The following PDE1C variants were observed in gnomAD, a reference collection of about 807,000 sequenced individuals.
PDE1C encodes dual specificity calcium/calmodulin-dependent 3',5'-cyclic nucleotide phosphodiesterase 1C.
PDE1C carries 62 observed loss-of-function variants against 93.1 expected under a neutral mutation model. The ratio of observed to expected loss-of-function variants is 0.67; its 90% confidence interval spans 0.54 to 0.82. PDE1C has a LOEUF of 0.82. Among genes scored for constraint, PDE1C ranks in the 40% least tolerant of loss-of-function variants. The pLI is 0.00. For synonymous variants in PDE1C, 325 were observed against 310.1 expected (o/e 1.05, Z -0.50); for missense variants, 742 against 884.6 (o/e 0.84, Z 2.04).
chr7:32,057,710 AG>A (rs1424175310), intron 1 of PDE1C, among the ~76,000 whole-genome samples: 2 of 152,202 alleles, frequency 1.3e-5, no homozygotes, highest in Non-Finnish European at 2.9e-5. Flanking sequence ...AGTAAAGATA[AG>A]CAGGCAAACA....
chr7:31,894,799 C>A lies in PDE1C; in HGVS notation c.129-13939G>T, dbSNP rs948029845. Among the ~76,000 whole-genome samples the A allele has an allele frequency of 3.3e-5, 5 of 152,088 alleles. No homozygotes were observed. In the South Asian group the frequency reaches 6.2e-4, roughly 19 times the overall value. On this transcript the variant is annotated intron_variant, in intron 2 of 17. Transcript: ENST00000396191. ...ATGTTGTGTTTATATTTCCCCCATA[C>A]CCCCTGCCAACAGCCATTCCCACCA...
chr7:32,344,996 T>C (rs1783825503), intron 1 of PDE1C, among the ~76,000 whole-genome samples: 1 of 152,192 alleles, frequency 6.6e-6, no homozygotes, highest in South Asian at 2.1e-4. Context: ...AGGTTCATGC[T>C]AATCCTTAAC....
chr7:32,339,457 C>G (rs1366454845), intron 1 of PDE1C, among the ~76,000 whole-genome samples: 2 of 152,210 alleles, frequency 1.3e-5, no homozygotes, highest in African/African-American at 4.8e-5. Context: ...ATGTACTTAA[C>G]ACTACTGAAC....
At chr7:32,418,026 T>C (rs1472352718) in intron 1 of PDE1C, among the ~76,000 whole-genome samples, 1 of 152,220 alleles carries the variant, frequency 6.6e-6, no homozygotes, top group East Asian at 1.9e-4. Flanking sequence ...AATCTCACAC[T>C]GTGACCTAGG....
At chr7:32,037,237 T>C (rs1325860240) in intron 2 of PDE1C, among the ~76,000 whole-genome samples, 2 of 152,144 alleles carry the variant, frequency 1.3e-5, no homozygotes, top group African/African-American at 4.8e-5. Flanking sequence ...GTGGTCCACA[T>C]AGCCCAAATG....
chr7:31,780,416 T>C (rs1165781405), intron 16 of PDE1C, among the ~76,000 whole-genome samples: 1 of 152,242 alleles, frequency 6.6e-6, no homozygotes, highest in African/African-American at 2.4e-5. Flanking sequence ...CGATTTAGAC[T>C]GCACGTCTGC....
intron 7 of PDE1C, among the ~76,000 whole-genome samples, chr7:31,851,108 A>AT (rs1554368447): frequency 1.3e-5 from 2 of 151,106 alleles, no homozygotes; most frequent in African/African-American, 2.4e-5. Context: ...ACATAAAAAA[A>AT]TTAGAAATTT....
the PDE1C span, among the ~76,000 whole-genome samples, chr7:31,623,509 G>A: frequency 1.3e-5 from 2 of 151,798 alleles, no homozygotes; most frequent in African/African-American, 2.4e-5. Context: ...AAAATGACAC[G>A]ATTATCTCAA....
intron 1 of PDE1C, among the ~76,000 whole-genome samples, chr7:32,305,122 C>T (rs995395503): frequency 1.3e-5 from 2 of 152,176 alleles, no homozygotes; most frequent in Non-Finnish European, 2.9e-5. Flanking sequence ...CTGGGGCTTG[C>T]ACAGCGCCTG....
chr7:31,906,137 C>T (rs577257647), intron 2 of PDE1C, among the ~76,000 whole-genome samples: 5 of 152,246 alleles, frequency 3.3e-5, no homozygotes, highest in South Asian at 2.1e-4. Context: ...GCAGTTTCTT[C>T]GAAAATCTTC....
At chr7:32,150,842 C>A (rs1049389107) in intron 3 of PDE1C, among the ~76,000 whole-genome samples, 3 of 152,126 alleles carry the variant, frequency 2.0e-5, no homozygotes, top group Admixed American at 2.0e-4. Context: ...TAGCTCCATG[C>A]TGAGCTTTAA....
At chr7:32,112,110 G>C (rs981855557) in intron 3 of PDE1C, among the ~76,000 whole-genome samples, 2 of 152,126 alleles carry the variant, frequency 1.3e-5, no homozygotes, top group African/African-American at 4.8e-5. Context: ...TTGTATTGAA[G>C]AGCACGTGTC....
At chr7:31,731,127 C>T in the PDE1C span, among the ~76,000 whole-genome samples, 1 of 151,814 alleles carries the variant, frequency 6.6e-6, no homozygotes, top group Non-Finnish European at 1.5e-5. Context: ...GGAATGATGC[C>T]GTGTGACTTC....
At chr7:32,297,990 TCTCTCTCC>T (rs1812704716) in intron 1 of PDE1C, among the ~76,000 whole-genome samples, 11 of 45,634 alleles carry the variant, frequency 2.4e-4, no homozygotes, top group African/African-American at 7.3e-4. Flanking sequence ...TCTCTCTCTC[TCTCTCTCC>T]TCTCTCTCTC....
At chr7:32,391,334 A>C (rs1286233275) in intron 1 of PDE1C, among the ~76,000 whole-genome samples, 1 of 152,192 alleles carries the variant, frequency 6.6e-6, no homozygotes, top group Non-Finnish European at 1.5e-5. Flanking sequence ...CTAACAACAA[A>C]GCCCCAATAC....
At chr7:31,929,297 A>C (rs2128976061) in intron 2 of PDE1C, among the ~76,000 whole-genome samples, 1 of 152,328 alleles carries the variant, frequency 6.6e-6, no homozygotes, top group African/African-American at 2.4e-5. Context: ...GCAAGTTCTT[A>C]GAGACCTACA....
intron 3 of PDE1C, among the ~76,000 whole-genome samples, chr7:32,078,443 T>G (rs1228616082): frequency 1.3e-5 from 2 of 152,156 alleles, no homozygotes; most frequent in South Asian, 2.1e-4. Context: ...TGGTAAATGC[T>G]TCTTGAAGAA....
intron 5 of PDE1C, among the ~76,000 whole-genome samples, chr7:31,877,718 T>G (rs1255671107): frequency 6.7e-6 from 1 of 149,806 alleles, no homozygotes; most frequent in Non-Finnish European, 1.5e-5. Flanking sequence ...GATCACTGTA[T>G]AAAATCTAAA....
intron 1 of PDE1C, among the ~76,000 whole-genome samples, chr7:32,065,077 C>A (rs1392692427): frequency 7.1e-6 from 1 of 139,944 alleles, no homozygotes; most frequent in Non-Finnish European, 1.6e-5. Flanking sequence ...GAGCCGGGGG[C>A]CAGTGAGGGG....
Sources: gnomAD v4.1 joint callset for allele counts (sites outside exome capture counted in the v4.1 genomes callset) on GRCh38, gnomAD v4.1.1 for gene constraint, MANE v1.5 for transcripts, NCBI Gene and HGNC (gene_info 2026-07-23, HGNC 2026-07-21) for gene names.